Variants in DIPK2B observed in about 807,000 individuals in gnomAD.
The protein encoded by DIPK2B is UPF0672 protein CXorf36.
DIPK2B carries 15 observed loss-of-function variants against 22.2 expected under a neutral mutation model. That is an observed-to-expected ratio of 0.68 (90% CI 0.45 to 1.04). DIPK2B has a LOEUF of 1.04. DIPK2B is among the 50% of genes least tolerant of loss of function. DIPK2B has a pLI of 0.00. For synonymous variants in DIPK2B, 163 were observed against 153.2 expected (o/e 1.06, Z -0.47); for missense variants, 345 against 348.3 (o/e 0.99, Z 0.08).
intron 2 of DIPK2B, chrX:45,164,272 T>G: frequency 1.7e-6 from 2 of 1,186,983 alleles, no homozygotes; most frequent in Non-Finnish European, 2.3e-6. Flanking sequence ...AATGATTGAT[T>G]AAAAAAAGGC....
intron 2 of DIPK2B, among the ~76,000 whole-genome samples, chrX:45,160,284 T>G (rs1028634438): frequency 1.8e-5 from 2 of 110,378 alleles, no homozygotes; most frequent in Non-Finnish European, 3.8e-5. Flanking sequence ...ATCAGCTCAC[T>G]GCAACCTCCG....
At chrX:45,170,452 T>C (rs2047074932) in intron 2 of DIPK2B, among the ~76,000 whole-genome samples, 1 of 111,572 alleles carries the variant, frequency 9.0e-6, no homozygotes, top group African/African-American at 3.3e-5. Flanking sequence ...TTCCACTCTA[T>C]GGGAGGGTGA....
intron 2 of DIPK2B, among the ~76,000 whole-genome samples, chrX:45,186,879 A>G (rs1486533278): frequency 8.9e-6 from 1 of 112,161 alleles, no homozygotes; most frequent in East Asian, 2.8e-4. Flanking sequence ...TCCCTTACAT[A>G]TTTTTGAGTT....
In DIPK2B at chrX:45,170,064, C is replaced by A. The variant is rs759101478; in HGVS notation, c.499-12176G>T. Among the ~76,000 whole-genome samples, 10 of 109,152 alleles carry A rather than the reference C, an allele frequency of 9.2e-5. No individual in the cohort carries two copies. In the South Asian group the frequency reaches 3.6e-3, roughly 40 times the overall value. The allele number at this position is 109,152 out of a possible 115,157, so 94.8% of individuals were successfully genotyped here. On this transcript the variant is annotated intron_variant, in intron 2 of 4. Transcript: ENST00000398000. The stretch of plus-strand genomic sequence containing the variant: ...TTTGAAACCAGCCTGGTCAACATGG[C>A]GAAACCCTGTCTCTACTAAAAATAC...
intron 2 of DIPK2B, among the ~76,000 whole-genome samples, chrX:45,173,373 T>G (rs1173818792): frequency 9.1e-6 from 1 of 110,197 alleles, no homozygotes; most frequent in East Asian, 2.9e-4. Context: ...GGCCAGGTAT[T>G]GGGTGAGGAG....
At chrX:45,152,291 G>A (rs1267827525) in intron 4 of DIPK2B, among the ~76,000 whole-genome samples, 1 of 110,696 alleles carries the variant, frequency 9.0e-6, no homozygotes, top group Admixed American at 9.6e-5. Context: ...CTGGGAGGCG[G>A]AGGTTGCAGG....
At chrX:45,179,746 AAAT>A (rs1488056607) in intron 2 of DIPK2B, among the ~76,000 whole-genome samples, 1 of 111,895 alleles carries the variant, frequency 8.9e-6, no homozygotes, top group East Asian at 2.8e-4. Context: ...ATAGAGAAAA[AAAT>A]AATTGAAAAA....
chrX:45,184,464 A>G (rs2148347057), intron 2 of DIPK2B, among the ~76,000 whole-genome samples: 2 of 112,114 alleles, frequency 1.8e-5, no homozygotes, highest in East Asian at 5.6e-4. Flanking sequence ...TGTGTAATTC[A>G]GTAAGTAGAA....
chrX:45,182,074 C>CAAAA (rs200586875), intron 2 of DIPK2B, among the ~76,000 whole-genome samples: 9 of 86,770 alleles, frequency 1.0e-4, no homozygotes, highest in African/African-American at 4.2e-5. Flanking sequence ...CACCCTGTCT[C>CAAAA]AAAAAAAAAA....
At chrX:45,175,085 C>T (rs887393560) in intron 2 of DIPK2B, among the ~76,000 whole-genome samples, 15 of 111,284 alleles carry the variant, frequency 1.3e-4, no homozygotes, top group African/African-American at 3.9e-4. Flanking sequence ...CCTCAGATTC[C>T]CCATCTGTAA....
chrX:45,159,495 G>A (rs749863013), intron 2 of DIPK2B, among the ~76,000 whole-genome samples: 2 of 111,760 alleles, frequency 1.8e-5, no homozygotes, highest in Non-Finnish European at 3.8e-5. Context: ...AGATAAGGGA[G>A]CCAGGCAGGA....
chrX:45,187,903 A>G (rs1035273186), intron 2 of DIPK2B, among the ~76,000 whole-genome samples: 5 of 111,111 alleles, frequency 4.5e-5, no homozygotes, highest in Middle Eastern at 4.7e-3. Flanking sequence ...ACACAAGCAG[A>G]TATGCACAAT....
chrX:45,155,127 A>C (rs925511156), intron 3 of DIPK2B, among the ~76,000 whole-genome samples: 4 of 110,031 alleles, frequency 3.6e-5, no homozygotes, highest in African/African-American at 1.3e-4. Flanking sequence ...GTCTCTACTA[A>C]AAGTGCAAAG....
chrX:45,189,738 A>G lies in DIPK2B; in HGVS notation c.498+2013T>C, dbSNP rs983878881. Among the ~76,000 whole-genome samples, 9 of 111,980 alleles carry G rather than the reference A, an allele frequency of 8.0e-5. No homozygotes were observed. In the East Asian group the frequency reaches 2.5e-3, roughly 31 times the overall value. On this transcript the variant is annotated intron_variant, in intron 2 of 4. Transcript: ENST00000398000. ...ATCCTAAGGGCAAAGGGTCTCTGGA[A>G]AGGAGGTGAGGAGAGATAGAGAAGA...
At chrX:45,156,265 C>T (rs989401094) in intron 3 of DIPK2B, among the ~76,000 whole-genome samples, 1 of 111,082 alleles carries the variant, frequency 9.0e-6, no homozygotes, top group African/African-American at 3.3e-5. Flanking sequence ...AGCCACAGCA[C>T]CCGGCCCAGA....
intron 3 of DIPK2B, among the ~76,000 whole-genome samples, chrX:45,155,540 A>C (rs1201556925): frequency 9.1e-6 from 1 of 109,461 alleles, no homozygotes; most frequent in East Asian, 2.9e-4. Context: ...AGTTTTGGGA[A>C]CTACTGTACT....
chrX:45,151,774 G>A lies in DIPK2B; in HGVS notation c.1180C>T (p.Arg394Cys), dbSNP rs747285330. 79 of 1,210,287 alleles carry A rather than the reference G, an allele frequency of 6.5e-5. No individual in the cohort carries two copies. The highest frequency in any genetic ancestry group is 1.7e-4 in the Admixed American group (8 of 45,821). ...SILVQCGDSI[R>C]PDPEVLGAAS... is the part of the protein sequence containing the mutation. ...GCCCCAAGGACTTCTGGGTCTGGGC[G>A]GATGCTGTCCCCACACTGAACAAGG... The change falls in exon 5 of 5, where the codon CGC becomes TGC. Residue 394 changes from arginine to cysteine, a missense_variant. Coordinates refer to ENST00000398000, the MANE Select transcript of DIPK2B (RefSeq NM_176819.4).
chrX:45,188,296 T>C (rs1337055764), intron 2 of DIPK2B, among the ~76,000 whole-genome samples: 1 of 111,956 alleles, frequency 8.9e-6, no homozygotes, highest in East Asian at 2.8e-4. Flanking sequence ...CTTAGAACAC[T>C]ATTGAGAAGA....
Position 45,191,755 on chromosome X carries a change from A to G in DIPK2B, c.494T>C (p.Val165Ala), listed in dbSNP as rs2047211931. The G allele has an allele frequency of 8.3e-7, 1 of 1,208,716 alleles. No individual in the cohort carries two copies. Among genetic ancestry groups the G allele is most frequent in the African/African-American group, 1.8e-5 (1 of 57,103 alleles). ...TCCCATGGCCTTCACACTCACCTGC[A>G]CCAGGTCCGGCGTGAGGCGCTTGGC... is the stretch of plus-strand genomic sequence containing the variant. ...LQAKRLTPDLVQGLASPLLRC... is the reference protein window; with the variant it reads ...LQAKRLTPDLAQGLASPLLRC... Residue 165 changes from valine to alanine, a missense_variant, in exon 2 of 5, where the codon GTG (valine) becomes GCG (alanine). Physicochemically the swap from Val to Ala is moderately conservative, Grantham distance 64. Coordinates refer to ENST00000398000, the MANE Select transcript of DIPK2B (RefSeq NM_176819.4).
Sources: gnomAD v4.1 joint callset for allele counts (sites outside exome capture counted in the v4.1 genomes callset) on GRCh38, gnomAD v4.1.1 for gene constraint, MANE v1.5 for transcripts, NCBI Gene and HGNC (gene_info 2026-07-23, HGNC 2026-07-21) for gene names.